Variants in AVEN observed in about 807,000 individuals in gnomAD.
AVEN encodes the protein apoptosis and caspase activation inhibitor.
AVEN carries 41 observed loss-of-function variants against 38.1 expected under a neutral mutation model. The observed-to-expected ratio is 1.08, with a 90% CI of 0.84 to 1.40. The LOEUF is 1.40. Ranked by LOEUF, AVEN falls within the 40% of genes most tolerant of loss-of-function variation. The pLI is 0.00. For missense variants in AVEN, 605 were observed against 438.8 expected (o/e 1.38, Z -3.38); for synonymous variants, 206 against 171.8 (o/e 1.20, Z -1.56).
At chr15:33,865,831 G>C (rs1890337526), downstream of AVEN, 2 of 152,622 alleles carry the variant, frequency 1.3e-5, no homozygotes, top group Non-Finnish European at 2.9e-5. Flanking sequence ...GTTCCAGAAG[G>C]ACAGTTCCAT....
intron 1 of AVEN, among the ~76,000 whole-genome samples, chr15:34,018,033 C>A (rs1898022599): frequency 6.6e-6 from 1 of 152,168 alleles, no homozygotes; most frequent in East Asian, 1.9e-4. Context: ...ATAATACTGA[C>A]AATGATACTA....
chr15:33,905,054 T>C (rs1327549572), intron 2 of AVEN, among the ~76,000 whole-genome samples: 3 of 145,108 alleles, frequency 2.1e-5, no homozygotes, highest in Non-Finnish European at 4.5e-5. Context: ...CACTTGAACC[T>C]GGGAGGTGGA....
intron 2 of AVEN, among the ~76,000 whole-genome samples, chr15:33,900,433 A>T (rs1251545677): frequency 6.6e-6 from 1 of 151,756 alleles, no homozygotes; most frequent in Non-Finnish European, 1.5e-5. Flanking sequence ...TCAGCCTCCC[A>T]AACAGCTGGG....
chr15:33,863,124 G>T (rs1228661022), downstream of AVEN, among the ~76,000 whole-genome samples: 4 of 152,068 alleles, frequency 2.6e-5, no homozygotes, highest in African/African-American at 4.8e-5. Context: ...TGTTACACTG[G>T]TCTCTTTCCT....
At chr15:33,917,839 A>T (rs1567412865) in intron 2 of AVEN, among the ~76,000 whole-genome samples, 1 of 152,168 alleles carries the variant, frequency 6.6e-6, no homozygotes, top group Non-Finnish European at 1.5e-5. Context: ...AAGGGATAAG[A>T]CTACACACTG....
At chr15:34,038,723 C>A (rs1307038367) in intron 1 of AVEN, 57 bp downstream of exon 1, 3 of 1,127,200 alleles carry the variant, frequency 2.7e-6, no homozygotes, top group South Asian at 8.7e-5. Context: ...CTGGCGGCCT[C>A]GGCCCCACTT....
At chr15:33,895,013 T>C (rs1190978475) in intron 2 of AVEN, among the ~76,000 whole-genome samples, 4 of 151,784 alleles carry the variant, frequency 2.6e-5, no homozygotes, top group Admixed American at 6.6e-5. Context: ...TTCTATAGCA[T>C]AGCAAGATCC....
At chr15:34,056,402 C>T (rs956343883) in intron 5 of AVEN, among the ~76,000 whole-genome samples, 3 of 152,174 alleles carry the variant, frequency 2.0e-5, no homozygotes, top group African/African-American at 7.2e-5. Context: ...ATGGATTCCA[C>T]AGGATATTAA....
At chr15:33,874,275 A>G (rs1891130725) in intron 3 of AVEN, among the ~76,000 whole-genome samples, 1 of 152,142 alleles carries the variant, frequency 6.6e-6, no homozygotes, top group African/African-American at 2.4e-5. Context: ...ATAGAGAAGG[A>G]AAAAGTTTGC....
chr15:33,941,686 A>G (rs1040780961), intron 2 of AVEN, among the ~76,000 whole-genome samples: 1 of 152,256 alleles, frequency 6.6e-6, no homozygotes, highest in African/African-American at 2.4e-5. Flanking sequence ...AAGATGGACA[A>G]GCCTTAAGAC....
intron 2 of AVEN, among the ~76,000 whole-genome samples, chr15:33,998,871 G>A (rs1430715596): frequency 1.3e-5 from 2 of 152,234 alleles, no homozygotes; most frequent in Middle Eastern, 3.4e-3. Flanking sequence ...TACTTCTCTA[G>A]GTAATAACTC....
chr15:34,016,837 A>G (rs1365387319), intron 1 of AVEN, among the ~76,000 whole-genome samples: 6 of 152,092 alleles, frequency 3.9e-5, no homozygotes, highest in Non-Finnish European at 7.4e-5. Context: ...CCAAAATATC[A>G]CTTGCCAACA....
At chr15:33,990,030 C>T (rs1896649872) in intron 2 of AVEN, among the ~76,000 whole-genome samples, 1 of 151,718 alleles carries the variant, frequency 6.6e-6, no homozygotes, top group Non-Finnish European at 1.5e-5. Flanking sequence ...TGGTGAAACC[C>T]CGTCTCTACT....
At position 34,072,620 on chromosome 15, in the gene AVEN, C is replaced by T. The variant is rs1195922200; in HGVS notation, n.720+1816G>A. Among the ~76,000 whole-genome samples, 3 of 149,682 alleles carry T rather than the reference C, an allele frequency of 2.0e-5. No homozygotes were observed. In the East Asian group the frequency reaches 5.9e-4, roughly 29 times the overall value. ...GATTCTGTATCAAAAAAAAAAATTA[C>T]CTGTAATTTTATTTTATTTTACTTT... On this transcript the variant is annotated intron_variant and non_coding_transcript_variant, in intron 1 of 11. Transcript: ENST00000675287.
chr15:33,855,603 TCTG>T (rs2079570638), downstream of AVEN, among the ~76,000 whole-genome samples: 1 of 562 alleles, frequency 1.8e-3, no homozygotes, highest in South Asian at 0.1. Context: ...CCCAGGTATT[TCTG>T]ATATCTGCAT....
At chr15:33,951,499 C>T (rs1894747825) in intron 2 of AVEN, among the ~76,000 whole-genome samples, 1 of 149,460 alleles carries the variant, frequency 6.7e-6, no homozygotes, top group African/African-American at 2.5e-5. Context: ...CAACACAGCA[C>T]ATGTATACAT....
chr15:34,012,029 G>C (rs1375655828), intron 1 of AVEN, among the ~76,000 whole-genome samples: 1 of 152,094 alleles, frequency 6.6e-6, no homozygotes, highest in African/African-American at 2.4e-5. Context: ...CATTTTATCT[G>C]CTTTAAAAAA....
intron 2 of AVEN, among the ~76,000 whole-genome samples, chr15:33,926,348 G>A (rs1340605126): frequency 6.6e-6 from 1 of 152,130 alleles, no homozygotes; most frequent in Non-Finnish European, 1.5e-5. Context: ...ATGCTGGAAA[G>A]GTCACTTTCT....
intron 2 of AVEN, among the ~76,000 whole-genome samples, chr15:33,898,050 G>A (rs1181040958): frequency 1.3e-5 from 2 of 152,026 alleles, no homozygotes; most frequent in African/African-American, 2.4e-5. Flanking sequence ...TTAGCTGGGC[G>A]TGGTGGTGGG....
Sources: allele counts gnomAD v4.1 joint callset (sites outside exome capture counted in the v4.1 genomes callset), GRCh38; gene constraint gnomAD v4.1.1; transcripts MANE v1.5; gene names NCBI Gene and HGNC (gene_info 2026-07-23, HGNC 2026-07-21).